The following PRRX2 variants were observed in gnomAD, a reference collection of about 807,000 sequenced individuals.
The protein encoded by PRRX2 is paired mesoderm homeobox protein 2.
A neutral mutation model predicts 18.0 loss-of-function variants in PRRX2; 11 were observed. The observed-to-expected ratio is 0.61, with a 90% CI of 0.39 to 1.01. The LOEUF is 1.01. Ranked by LOEUF, PRRX2 falls within the 50% of genes least tolerant of loss-of-function variation. The probability of loss-of-function intolerance (pLI) is 0.01; values close to 1 mark genes in which losing one functional copy is unlikely to be tolerated. For synonymous variants in PRRX2, 177 were observed against 154.8 expected (o/e 1.14, Z -1.06); for missense variants, 387 against 351.0 (o/e 1.10, Z -0.82).
At chr9:129,682,408 C>G (rs1451360621) in intron 1 of PRRX2, among the ~76,000 whole-genome samples, 1 of 152,134 alleles carries the variant, frequency 6.6e-6, no homozygotes, top group African/African-American at 2.4e-5. Flanking sequence ...GAGGACCAGC[C>G]ATACCCCTGG....
At chr9:129,701,401 G>T (rs1832494782) in intron 1 of PRRX2, among the ~76,000 whole-genome samples, 1 of 152,248 alleles carries the variant, frequency 6.6e-6, no homozygotes, top group South Asian at 2.1e-4. Context: ...TTTAGGTGTT[G>T]CTGTTCCCAC....
intron 1 of PRRX2, among the ~76,000 whole-genome samples, chr9:129,682,063 G>A (rs901887642): frequency 6.6e-6 from 1 of 152,160 alleles, no homozygotes; most frequent in Admixed American, 6.5e-5. Flanking sequence ...AGCAGCTCTG[G>A]GGAGCTGTTG....
intron 1 of PRRX2, among the ~76,000 whole-genome samples, chr9:129,676,448 AAG>A (rs1383867919): frequency 4.6e-5 from 7 of 151,684 alleles, no homozygotes; most frequent in African/African-American, 7.3e-5. Flanking sequence ...GCTCAGAAGA[AAG>A]AGTATCTGCA....
chr9:129,673,708 T>C (rs573218761), intron 1 of PRRX2, among the ~76,000 whole-genome samples: 1 of 150,450 alleles, frequency 6.6e-6, no homozygotes, highest in East Asian at 1.9e-4. Context: ...TCACGAGGGC[T>C]CCAGCCCGGC....
chr9:129,717,313 A>T (rs1588176576), intron 1 of PRRX2, among the ~76,000 whole-genome samples: 1 of 152,062 alleles, frequency 6.6e-6, no homozygotes, highest in African/African-American at 2.4e-5. Flanking sequence ...CAAGTAATCC[A>T]CCTGCCTCAG....
intron 1 of PRRX2, among the ~76,000 whole-genome samples, chr9:129,718,850 C>T (rs1019272609): frequency 6.6e-6 from 1 of 152,272 alleles, no homozygotes; most frequent in East Asian, 1.9e-4. Context: ...GTGCTGGGGA[C>T]ACTCAGGTGT....
At chr9:129,697,645 G>A (rs1200491143) in intron 1 of PRRX2, among the ~76,000 whole-genome samples, 1 of 151,894 alleles carries the variant, frequency 6.6e-6, no homozygotes, top group East Asian at 1.9e-4. Flanking sequence ...GCGTGCGGAG[G>A]GGAGACCCCC....
chr9:129,719,669 G>A (rs868056366), intron 2 of PRRX2, among the ~76,000 whole-genome samples: 49 of 152,324 alleles, frequency 3.2e-4, no homozygotes, highest in Middle Eastern at 3.4e-3. Context: ...TGCTATAGGG[G>A]TCCTTCGAGG....
chr9:129,690,156 C>G (rs368533325), intron 1 of PRRX2, among the ~76,000 whole-genome samples: 2 of 152,150 alleles, frequency 1.3e-5, no homozygotes, highest in Admixed American at 1.3e-4. Flanking sequence ...ATCCCTCCCA[C>G]CTTACCCAGC....
intron 1 of PRRX2, among the ~76,000 whole-genome samples, chr9:129,703,821 A>G (rs780717133): frequency 6.6e-6 from 1 of 152,110 alleles, no homozygotes; most frequent in Non-Finnish European, 1.5e-5. Context: ...ACTGCCCGGA[A>G]CTCACAAATG....
intron 1 of PRRX2, among the ~76,000 whole-genome samples, chr9:129,691,382 A>G (rs1832358811): frequency 6.6e-6 from 1 of 152,022 alleles, no homozygotes; most frequent in African/African-American, 2.4e-5. Flanking sequence ...TATTTAAAAC[A>G]CAGGCAATAG....
intron 1 of PRRX2, among the ~76,000 whole-genome samples, chr9:129,694,857 G>T (rs1485973149): frequency 6.6e-6 from 1 of 152,196 alleles, no homozygotes; most frequent in East Asian, 1.9e-4. Flanking sequence ...ACTATGATGT[G>T]TGCCATGACC....
At chr9:129,706,398 TAC>T (rs903088568) in intron 1 of PRRX2, among the ~76,000 whole-genome samples, 15 of 152,192 alleles carry the variant, frequency 9.9e-5, no homozygotes, top group Non-Finnish European at 1.9e-4. Context: ...ACCCTGTCTC[TAC>T]CAAAAATACA....
chr9:129,686,445 C>A (rs1832300537), intron 1 of PRRX2, among the ~76,000 whole-genome samples: 1 of 152,146 alleles, frequency 6.6e-6, no homozygotes, highest in African/African-American at 2.4e-5. Flanking sequence ...GTCCTGGGCT[C>A]AAGTGATCCT....
In PRRX2 at chr9:129,665,954, C is replaced by A; in HGVS notation, c.87C>A (p.Gly29=). Residue 29 remains glycine (G), a synonymous_variant, in exon 1 of 4, where the codon GGC becomes GGA. Coordinates refer to ENST00000372469, the MANE Select transcript of PRRX2 (RefSeq NM_016307.4). The surrounding 1 kb of genome is among the most constrained non-coding windows in gnomAD (Gnocchi z 5.3). ...PPPPPPALGP[G]DCAQARKNFS... ...CGCCTCCACCCGCGCTGGGGCCCGG[C>A]GACTGCGCCCAGGCGCGCAAGAACT... 3.5e-6 allele frequency: 4 copies of A among 1,138,138 alleles called. No homozygotes were observed. Among genetic ancestry groups the A allele is most frequent in the Non-Finnish European group, 3.3e-6 (3 of 922,328 alleles). 70.5% of individuals were successfully genotyped at this position (1,138,138 alleles called of 1,614,324 possible).
Position 129,695,124 on chromosome 9 carries a change from T to C in PRRX2, c.260-24107T>C, listed in dbSNP as rs1306939418. Among the ~76,000 whole-genome samples the C allele has an allele frequency of 6.6e-6, 1 of 152,190 alleles. No homozygotes were observed. The highest frequency in any genetic ancestry group is 2.4e-5 in the African/African-American group (1 of 41,444). On this transcript the variant is annotated intron_variant, in intron 1 of 3. Coordinates refer to ENST00000372469, the MANE Select transcript of PRRX2 (RefSeq NM_016307.4). This position sits in a 1 kb window ranked among gnomAD's most constrained non-coding sequence, Gnocchi z 4.8. Reference sequence around the variant, plus strand: ...CCCCAACACCCCACAGGCAAGTGGCTGGACCTGGCCAAGGCCAGGGCCTCA... The same window carrying C: ...CCCCAACACCCCACAGGCAAGTGGCCGGACCTGGCCAAGGCCAGGGCCTCA...
chr9:129,684,482 TCACACA>T (rs71385454), intron 1 of PRRX2, among the ~76,000 whole-genome samples: 1,167 of 43,278 alleles, frequency 0.027, 7 homozygotes, highest in Non-Finnish European at 0.043. Flanking sequence ...ATACCAGAAA[TCACACA>T]CACACACACA....
Position 129,719,228 on chromosome 9 carries a change from C to T in PRRX2, c.260-3C>T. On this transcript the variant is annotated splice_polypyrimidine_tract_variant and splice_region_variant and intron_variant, in intron 1 of 3. Coordinates refer to ENST00000372469, the MANE Select transcript of PRRX2 (RefSeq NM_016307.4). ...GACCATCCCGCCCCCCCAACCTCCG[C>T]AGGTGAGTGTCCCAGCCCGGGGCGC... 1.3e-6 allele frequency: 2 copies of T among 1,579,676 alleles called. No homozygotes were observed. Among genetic ancestry groups the T allele is most frequent in the Non-Finnish European group, 1.7e-6 (2 of 1,162,442 alleles).
chr9:129,708,701 T>A (rs1272430768), intron 1 of PRRX2, among the ~76,000 whole-genome samples: 2 of 152,246 alleles, frequency 1.3e-5, no homozygotes, highest in East Asian at 3.8e-4. Context: ...TGTAGTTGCT[T>A]GTGTTTTTGA....
Sources: gnomAD v4.1 joint callset for allele counts (sites outside exome capture counted in the v4.1 genomes callset) on GRCh38, gnomAD v4.1.1 for gene constraint, Gnocchi (gnomAD v3.1) non-coding constraint, MANE v1.5 for transcripts, NCBI Gene and HGNC (gene_info 2026-07-23, HGNC 2026-07-21) for gene names.